The following TRIM50 variants were observed in gnomAD, a reference collection of about 807,000 sequenced individuals.
TRIM50 encodes the protein E3 ubiquitin-protein ligase TRIM50.
Under a neutral mutation model 44.9 loss-of-function variants are expected in TRIM50, and 34 were observed. That is an observed-to-expected ratio of 0.76 (90% CI 0.58 to 1.01). The LOEUF is 1.01. Ranked by LOEUF, TRIM50 falls within the 50% of genes least tolerant of loss-of-function variation. The pLI is 0.00. For missense variants in TRIM50, 633 were observed against 663.7 expected, an observed-to-expected ratio of 0.95 and a Z score of 0.51; for synonymous variants, 307 against 291.1, an observed-to-expected ratio of 1.05 and a Z score of -0.56.
rs1484550656 is a variant in TRIM50 at position 73,312,980 on chromosome 7, C to T, written c.1405G>A (p.Val469Met). Reference protein sequence around the residue: ...HERGSNSLPMVLPPPSGPGPL... With the variant: ...HERGSNSLPMMLPPPSGPGPL... Reference sequence around the variant, plus strand: ...CCAGGCCCGCTGGGCGGGGGCAGCACCATGGGCAGCGAGTTGCTGCCCCTC... The same window carrying T: ...CCAGGCCCGCTGGGCGGGGGCAGCATCATGGGCAGCGAGTTGCTGCCCCTC... Residue 469 changes from valine (V) to methionine (M), a missense_variant, in exon 7 of 7, where the codon GTG (valine) becomes ATG (methionine). Transcript: ENST00000333149. The T allele has an allele frequency of 3.9e-6, 6 of 1,551,544 alleles. No individual in the cohort carries two copies. The African/African-American group carries it at 8.2e-5, about 21-fold the overall frequency.
At chr7:73,314,558 G>T in intron 6 of TRIM50, 1 of 310,018 alleles carries the variant, frequency 3.2e-6, no homozygotes, top group Non-Finnish European at 6.3e-6. Flanking sequence ...GAACAAGAAC[G>T]CTCAGCTGGG....
intron 5 of TRIM50, 92 bp from the exon 6 acceptor site, chr7:73,316,781 C>G (rs1242511960): frequency 1.3e-6 from 2 of 1,535,632 alleles, no homozygotes; most frequent in Non-Finnish European, 1.8e-6. Context: ...GCCAGATCCA[C>G]AGTGCAGGAC....
chr7:73,325,286 C>G (rs1469072277), intron 1 of TRIM50, among the ~76,000 whole-genome samples: 2 of 152,110 alleles, frequency 1.3e-5, no homozygotes, highest in African/African-American at 2.4e-5. Context: ...GGATCTTCTT[C>G]AGGGGGTCTC....
rs1304716203 is a variant in TRIM50, at chr7:73,312,641, G to A, written c.*280C>T. On this transcript the variant is annotated 3_prime_UTR_variant, in exon 7 of 7. Transcript: ENST00000333149. Reference sequence around the variant, plus strand: ...TGGGACTATTTCTGCCCTCGGAAGCGTCTGCGCAGATAGCATGGTTAGCAA... The same window carrying A: ...TGGGACTATTTCTGCCCTCGGAAGCATCTGCGCAGATAGCATGGTTAGCAA... 2.2e-5 allele frequency: 10 copies of A among 465,004 alleles called. No individual in the cohort carries two copies. Among genetic ancestry groups the A allele is most frequent in the South Asian group, 8.4e-5 (2 of 23,698 alleles). 28.8% of individuals were successfully genotyped at this position (465,004 alleles called of 1,614,324 possible).
chr7:73,325,842 T>G (rs1554545967), intron 1 of TRIM50, among the ~76,000 whole-genome samples: 1 of 145,664 alleles, frequency 6.9e-6, no homozygotes, highest in Admixed American at 6.8e-5. Context: ...AAACAGTTCT[T>G]TCTGAATCTC....
chr7:73,318,987 A>G lies in TRIM50; in HGVS notation c.561T>C (p.Asp187=), dbSNP rs138273265. The change falls in exon 4 of 7, where the codon GAT becomes GAC. Residue 187 remains aspartate, a synonymous_variant. Transcript: ENST00000333149. Reference sequence around the variant, plus strand: ...CCTCCAGGCAGCGGGCCTTCTCCTCATCCACCAGGTGGTGCAGCTCCTGGA... The same window carrying G: ...CCTCCAGGCAGCGGGCCTTCTCCTCGTCCACCAGGTGGTGCAGCTCCTGGA... ...REFQELHHLV[D]EEKARCLEGI... The G allele has an allele frequency of 1.1e-4, 181 of 1,613,784 alleles. No homozygotes were observed. Among genetic ancestry groups the G allele is most frequent in the East Asian group, 2.0e-4 (9 of 44,868 alleles).
rs202100558 is a variant in TRIM50, at chr7:73,324,634, G to A, written c.154C>T (p.Arg52Cys). The stretch of plus-strand genomic sequence containing the variant: ...ACCGCCTGCCGGCACACGGGGCAGC[G>A]CAGCTCGGCATCCAGGTGGCAGGAC... The part of the protein sequence containing the change: ...SLSCHLDAEL[R>C]CPVCRQAVDG... The change falls in exon 2 of 7, where the codon CGC (arginine) becomes TGC (cysteine). Residue 52 changes from arginine (R) to cysteine (C), a missense_variant. Coordinates refer to ENST00000333149, the MANE Select transcript of TRIM50 (RefSeq NM_178125.3). 130 of 1,614,222 alleles carry A rather than the reference G, an allele frequency of 8.1e-5. No individual in the cohort carries two copies. The highest frequency in any genetic ancestry group is 6.0e-4 in the Admixed American group (36 of 60,018).
chr7:73,315,930 G>C (rs1191786868), intron 6 of TRIM50, among the ~76,000 whole-genome samples: 2 of 150,996 alleles, frequency 1.3e-5, no homozygotes, highest in Non-Finnish European at 2.9e-5. Context: ...GCCCAGGCTG[G>C]AGTGCAATGG....
At chr7:73,327,214 C>T (rs1231146202) in intron 1 of TRIM50, among the ~76,000 whole-genome samples, 10 of 152,182 alleles carry the variant, frequency 6.6e-5, no homozygotes, top group African/African-American at 2.2e-4. Flanking sequence ...CTGTAGCTTA[C>T]GCCTATAATC....
At chr7:73,323,759 G>T (rs1804547025) in intron 2 of TRIM50, among the ~76,000 whole-genome samples, 1 of 152,192 alleles carries the variant, frequency 6.6e-6, no homozygotes, top group Non-Finnish European at 1.5e-5. Context: ...CAAACAAGGG[G>T]CCTAGGGCAG....
intron 6 of TRIM50, among the ~76,000 whole-genome samples, chr7:73,316,277 T>G (rs1212345517): frequency 2.6e-5 from 4 of 152,184 alleles, no homozygotes; most frequent in African/African-American, 7.2e-5. Context: ...AACACACGTA[T>G]GTCTATATAC....
intron 6 of TRIM50, chr7:73,314,074 C>T (rs1341179795): frequency 1.6e-5 from 5 of 313,874 alleles, no homozygotes; most frequent in Admixed American, 4.4e-5. Context: ...GTGCTCCCCC[C>T]TGCCCGCCTC....
chr7:73,318,990 C>T lies in TRIM50; in HGVS notation c.558G>A (p.Val186=). 2 of 1,614,058 alleles carry T rather than the reference C, an allele frequency of 1.2e-6. No individual in the cohort carries two copies. The highest frequency in any genetic ancestry group is 8.5e-7 in the Non-Finnish European group (1 of 1,179,878). The part of the protein sequence containing the change: ...RREFQELHHL[V]DEEKARCLEG... ...CCAGGCAGCGGGCCTTCTCCTCATCCACCAGGTGGTGCAGCTCCTGGAACT... is the reference window on the plus strand; with the variant it reads ...CCAGGCAGCGGGCCTTCTCCTCATCTACCAGGTGGTGCAGCTCCTGGAACT... The change falls in exon 4 of 7, where the codon GTG becomes GTA. Residue 186 remains valine (V), a synonymous_variant. Transcript: ENST00000333149.
chr7:73,316,198 T>A (rs1308902245), intron 6 of TRIM50, among the ~76,000 whole-genome samples: 59 of 152,182 alleles, frequency 3.9e-4, no homozygotes, highest in Non-Finnish European at 6.0e-4. Context: ...ACATTACTTT[T>A]AAAAGTAATG....
chr7:73,320,058 G>A lies in TRIM50; in HGVS notation c.495+89C>T, dbSNP rs571898803. 2.4e-3 allele frequency: 3,836 copies of A among 1,607,366 alleles called. 6 individuals carry two copies. The highest frequency in any genetic ancestry group is 2.9e-3 in the Non-Finnish European group (3,404 of 1,173,896). The stretch of plus-strand genomic sequence containing the variant: ...GTTCTGGCTTTATATGGAAGGCATG[G>A]TTTTCTGTAAAGGACCAATGAGAAC... On this transcript the variant is annotated intron_variant, in intron 3 of 6. Transcript: ENST00000333149.
chr7:73,327,149 T>C (rs1554546300), intron 1 of TRIM50, among the ~76,000 whole-genome samples: 1 of 152,068 alleles, frequency 6.6e-6, no homozygotes, highest in Non-Finnish European at 1.5e-5. Context: ...GAATGTATCC[T>C]CCTAATTTCA....
At chr7:73,314,633 G>C (rs1554543759) in intron 6 of TRIM50, 8 of 237,370 alleles carry the variant, frequency 3.4e-5, no homozygotes, top group South Asian at 2.8e-4. Flanking sequence ...CAGATCACTT[G>C]AGGCCAGGAG....
At chr7:73,317,205 C>T (rs1440556731) in intron 5 of TRIM50, among the ~76,000 whole-genome samples, 1 of 151,978 alleles carries the variant, frequency 6.6e-6, no homozygotes, top group Non-Finnish European at 1.5e-5. Context: ...AAGCATGTGC[C>T]ACCATGCCCA....
In TRIM50 at chr7:73,319,298, A is replaced by AT. The variant is rs1183995151; in HGVS notation, c.496-247dup. On this transcript the variant is annotated intron_variant, in intron 3 of 6. Transcript: ENST00000333149. Reference sequence around the variant, plus strand: ...AGAGGCTCTGTTTTGGCCTGTTTTAATTTTTTTTTTTAAGAGACAGGGTCT... The same window carrying AT: ...AGAGGCTCTGTTTTGGCCTGTTTTAATTTTTTTTTTTTAAGAGACAGGGTCT... Among the ~76,000 whole-genome samples, 79 of 147,666 alleles carry AT rather than the reference A, an allele frequency of 5.3e-4. 1 individual carries two copies. In the South Asian group the frequency reaches 7.8e-3, roughly 15 times the overall value.
Sources: allele counts gnomAD v4.1 joint callset (sites outside exome capture counted in the v4.1 genomes callset), GRCh38; gene constraint gnomAD v4.1.1; transcripts MANE v1.5; gene names NCBI Gene and HGNC (gene_info 2026-07-23, HGNC 2026-07-21).